MCTP1: variants seen among roughly 807,000 people sequenced by gnomAD.
The protein encoded by MCTP1 is multiple C2 and transmembrane domain-containing protein 1.
Under a neutral mutation model 120.6 loss-of-function variants are expected in MCTP1, and 69 were observed. The ratio of observed to expected loss-of-function variants is 0.57; its 90% CI spans 0.47 to 0.70. The LOEUF (loss-of-function observed/expected upper bound fraction) is 0.70, where lower values mean the gene tolerates loss of function less well. Ranked by LOEUF, MCTP1 falls within the 30% of genes least tolerant of loss-of-function variation. MCTP1 has a pLI of 0.00. For missense variants in MCTP1, 1,203 were observed against 1,248.8 expected, an observed-to-expected ratio of 0.96 and a Z score of 0.55; for synonymous variants, 529 against 493.1, an observed-to-expected ratio of 1.07 and a Z score of -0.96.
Position 94,704,083 on chromosome 5 carries a change from TAAGA to T in MCTP1, c.*3409_*3412del, listed in dbSNP as rs752947394. 2 of 151,602 alleles carry T rather than the reference TAAGA, an allele frequency of 1.3e-5. No individual in the cohort carries two copies. The highest frequency in any genetic ancestry group is 3.0e-5 in the Non-Finnish European group (2 of 67,684). The allele number at this position is 151,602 out of a possible 1,614,324, so 9.4% of individuals were successfully genotyped here. ...ATAATTGAAAGGAATGACACTATTGTAAGAAAGAATTTACCACATTATTTTCTAT... is the reference window on the plus strand; with the variant it reads ...ATAATTGAAAGGAATGACACTATTGTAAGAATTTACCACATTATTTTCTAT... On this transcript the variant is annotated 3_prime_UTR_variant, in exon 23 of 23. Coordinates refer to ENST00000515393, the MANE Select transcript of MCTP1 (RefSeq NM_024717.7).
intron 17 of MCTP1, among the ~76,000 whole-genome samples, chr5:94,841,104 C>T (rs538354905): frequency 3.4e-4 from 51 of 152,232 alleles, no homozygotes; most frequent in African/African-American, 1.1e-3. Flanking sequence ...GGCATGTGAC[C>T]GAGGCTTAAA....
intron 2 of MCTP1, among the ~76,000 whole-genome samples, chr5:94,978,037 T>A (rs954648052): frequency 6.6e-6 from 1 of 152,056 alleles, no homozygotes; most frequent in Non-Finnish European, 1.5e-5. Flanking sequence ...AAAAACCTAA[T>A]AATCTGATTT....
rs999792374 is a variant in MCTP1 at position 94,705,530 on chromosome 5, C to CTGAT, written c.*1962_*1965dup. On this transcript the variant is annotated 3_prime_UTR_variant, in exon 23 of 23. Transcript: ENST00000515393. Reference sequence around the variant, plus strand: ...ACCAAAAAAAAAAAAAAAAGGAGTGCTGATTATACGTGGGAAAGATTATTT... The same window carrying CTGAT: ...ACCAAAAAAAAAAAAAAAAGGAGTGCTGATTGATTATACGTGGGAAAGATTATTT... 1 of 146,574 alleles carries CTGAT rather than the reference C, an allele frequency of 6.8e-6. No individual in the cohort carries two copies. The allele number at this position is 146,574 out of a possible 1,614,324, so 9.1% of individuals were successfully genotyped here. A position where few individuals can be genotyped will look rare whatever the true frequency, so the allele number is the denominator to read the frequency against.
chr5:95,255,060 A>T (rs1267243413), intron 1 of MCTP1, among the ~76,000 whole-genome samples: 1 of 152,218 alleles, frequency 6.6e-6, no homozygotes, highest in African/African-American at 2.4e-5. Flanking sequence ...TGTGTACAGA[A>T]TCTGATATAA....
At chr5:94,988,589 CTG>C (rs1204978985) in intron 2 of MCTP1, among the ~76,000 whole-genome samples, 1,785 of 142,144 alleles carry the variant, frequency 0.013, 42 homozygotes, top group African/African-American at 0.045. Flanking sequence ...TAATAATTCC[CTG>C]TGTGTGTTTT....
rs115029553 is a variant in MCTP1, at chr5:94,803,960, G to A, written c.2437-4828C>T. Among the ~76,000 whole-genome samples, 822 of 152,148 alleles carry A rather than the reference G, an allele frequency of 5.4e-3. 8 individuals are homozygous for A. The highest frequency in any genetic ancestry group is 0.018 in the African/African-American group (738 of 41,492). Reference sequence around the variant, plus strand: ...GAAAACAGAGGCTTAAAAAAACATGGGGCATAGCTGCCTCCATCACCCCAG... The same window carrying A: ...GAAAACAGAGGCTTAAAAAAACATGAGGCATAGCTGCCTCCATCACCCCAG... On this transcript the variant is annotated intron_variant, in intron 17 of 22. Coordinates refer to ENST00000515393, the MANE Select transcript of MCTP1 (RefSeq NM_024717.7).
chr5:94,885,902 A>G (rs1041772511), intron 12 of MCTP1, among the ~76,000 whole-genome samples: 1 of 152,214 alleles, frequency 6.6e-6, no homozygotes, highest in Admixed American at 6.5e-5. Context: ...TGAAATTTCA[A>G]TCCACTCTTG....
intron 12 of MCTP1, among the ~76,000 whole-genome samples, chr5:94,874,226 G>T (rs1007894402): frequency 3.9e-5 from 6 of 152,154 alleles, no homozygotes; most frequent in Admixed American, 3.9e-4. Context: ...TAATGATAAA[G>T]AATAATTGTT....
In MCTP1 at chr5:95,121,400, C is replaced by T. The variant is rs1391692628; in HGVS notation, c.721-103916G>A. 2.7e-5 allele frequency among the ~76,000 whole-genome samples: 4 copies of T among 146,848 alleles called. No individual in the cohort carries two copies. In the East Asian group the frequency reaches 8.2e-4, roughly 30 times the overall value. Reference sequence around the variant, plus strand: ...CAAATCTTGAAAGTAATTCCATTTACAATAACCACAAATAAAATAAAATAC... The same window carrying T: ...CAAATCTTGAAAGTAATTCCATTTATAATAACCACAAATAAAATAAAATAC... On this transcript the variant is annotated intron_variant, in intron 1 of 22. Coordinates refer to ENST00000515393, the MANE Select transcript of MCTP1 (RefSeq NM_024717.7).
At chr5:95,235,728 G>A (rs1229610325) in intron 1 of MCTP1, among the ~76,000 whole-genome samples, 1 of 151,978 alleles carries the variant, frequency 6.6e-6, no homozygotes, top group African/African-American at 2.4e-5. Context: ...ACCAAAAAAG[G>A]AAGAAGTAAA....
At chr5:94,896,742 T>C (rs1246090289) in intron 10 of MCTP1, among the ~76,000 whole-genome samples, 1 of 152,198 alleles carries the variant, frequency 6.6e-6, no homozygotes, top group East Asian at 1.9e-4. Context: ...AAATACAGGG[T>C]AAATGTCCTC....
intron 6 of MCTP1, among the ~76,000 whole-genome samples, chr5:94,928,128 A>G (rs1813630632): frequency 6.6e-6 from 1 of 151,962 alleles, no homozygotes; most frequent in African/African-American, 2.4e-5. Context: ...TTTGTTATAT[A>G]ATTGAAGTAA....
chr5:95,260,351 AT>A (rs1213126754), intron 1 of MCTP1, among the ~76,000 whole-genome samples: 24 of 152,164 alleles, frequency 1.6e-4, no homozygotes, highest in African/African-American at 5.1e-4. Flanking sequence ...AAAATAGACA[AT>A]TGCAAAAACA....
Position 95,231,192 on chromosome 5 carries a change from C to A in MCTP1, c.720+52664G>T, listed in dbSNP as rs530387420. The stretch of plus-strand genomic sequence containing the variant: ...TGGAGTAATGTAGGGCCATTTAGTG[C>A]ATAAACAGCTCTATACACTTAGAAT... On this transcript the variant is annotated intron_variant, in intron 1 of 22. Transcript: ENST00000515393. Among the ~76,000 whole-genome samples, 13 of 152,170 alleles carry A rather than the reference C, an allele frequency of 8.5e-5. No individual in the cohort carries two copies. In the South Asian group the frequency reaches 2.7e-3, roughly 32 times the overall value.
At chr5:95,006,161 A>G (rs1422640363) in intron 2 of MCTP1, among the ~76,000 whole-genome samples, 1 of 152,176 alleles carries the variant, frequency 6.6e-6, no homozygotes, top group Non-Finnish European at 1.5e-5. Context: ...TCATCAATGT[A>G]GTAACAAAAC....
At chr5:95,251,803 A>G (rs1255766125) in intron 1 of MCTP1, among the ~76,000 whole-genome samples, 1 of 152,154 alleles carries the variant, frequency 6.6e-6, no homozygotes, top group Non-Finnish European at 1.5e-5. Flanking sequence ...TCTATAAACA[A>G]CAGTAATAAT....
intron 4 of MCTP1, among the ~76,000 whole-genome samples, chr5:94,940,547 TACAC>T (rs551582012): frequency 7.6e-6 from 1 of 131,070 alleles, no homozygotes; most frequent in Non-Finnish European, 1.6e-5. Flanking sequence ...TGTATACACA[TACAC>T]ACACACACGC....
chr5:94,979,834 G>T (rs761367475), intron 2 of MCTP1, among the ~76,000 whole-genome samples: 3 of 152,018 alleles, frequency 2.0e-5, no homozygotes, highest in Non-Finnish European at 4.4e-5. Flanking sequence ...GCTTTTCTTA[G>T]GTTAAATCAT....
At chr5:95,104,293 T>C (rs951398731) in intron 1 of MCTP1, among the ~76,000 whole-genome samples, 2 of 152,210 alleles carry the variant, frequency 1.3e-5, no homozygotes, top group African/African-American at 2.4e-5. Context: ...ATAATCTAAG[T>C]TGGTTATTTT....
Sources: gnomAD v4.1 joint callset for allele counts (sites outside exome capture counted in the v4.1 genomes callset) on GRCh38, gnomAD v4.1.1 for gene constraint, MANE v1.5 for transcripts, NCBI Gene and HGNC (gene_info 2026-07-23, HGNC 2026-07-21) for gene names.